The following SNTG2 variants were observed in gnomAD, a reference collection of about 807,000 sequenced individuals.
SNTG2 encodes gamma-2-syntrophin.
A neutral mutation model predicts 70.9 loss-of-function variants in SNTG2; 74 were observed. The ratio of observed to expected loss-of-function variants is 1.04; its 90% CI spans 0.86 to 1.27. SNTG2 has a LOEUF of 1.27. Among genes scored for constraint, SNTG2 ranks in the 50% most tolerant of loss-of-function variants. The pLI is 0.00. For missense variants in SNTG2, 717 were observed against 690.7 expected, an observed-to-expected ratio of 1.04 and a Z score of -0.43; for synonymous variants, 278 against 273.8, an observed-to-expected ratio of 1.02 and a Z score of -0.15.
At chr2:1,113,551 C>T (rs533083400) in intron 4 of SNTG2, among the ~76,000 whole-genome samples, 1 of 151,786 alleles carries the variant, frequency 6.6e-6, no homozygotes, top group African/African-American at 2.4e-5. Flanking sequence ...CCCTTACAGT[C>T]CTTTGAGGAG....
chr2:1,185,255 T>G (rs4356685), intron 8 of SNTG2, among the ~76,000 whole-genome samples: 51,246 of 151,876 alleles, frequency 0.34, 9,072 homozygotes, highest in East Asian at 0.65. Flanking sequence ...CAGCTCCTAT[T>G]ACTGCTCTCA....
At chr2:1,246,576 TA>T (rs2148129714) in intron 11 of SNTG2, among the ~76,000 whole-genome samples, 1 of 152,358 alleles carries the variant, frequency 6.6e-6, no homozygotes, top group South Asian at 2.1e-4. Flanking sequence ...AACTTATTTT[TA>T]TTTTTTTAAG....
chr2:1,320,946 C>G (rs1681493304), intron 16 of SNTG2, among the ~76,000 whole-genome samples: 1 of 152,160 alleles, frequency 6.6e-6, no homozygotes, highest in Non-Finnish European at 1.5e-5. Flanking sequence ...GGCTGAGCCT[C>G]CAAAGGGAAA....
intron 1 of SNTG2, among the ~76,000 whole-genome samples, chr2:1,051,534 T>C (rs113670524): frequency 6.6e-6 from 1 of 152,164 alleles, no homozygotes; most frequent in Non-Finnish European, 1.5e-5. Context: ...CCCATCTGAT[T>C]TGTACTCGGG....
intron 9 of SNTG2, among the ~76,000 whole-genome samples, chr2:1,225,323 C>T (rs1173007554): frequency 6.6e-6 from 1 of 152,156 alleles, no homozygotes; most frequent in South Asian, 2.1e-4. Flanking sequence ...GTTTTAAATG[C>T]AGTTGTTAGT....
intron 4 of SNTG2, among the ~76,000 whole-genome samples, chr2:1,105,454 G>A (rs1558404068): frequency 6.6e-6 from 1 of 152,184 alleles, no homozygotes; most frequent in African/African-American, 2.4e-5. Context: ...TTAGTGAGGT[G>A]TGTGCACCCG....
At chr2:1,039,843 G>A (rs981905097) in intron 1 of SNTG2, among the ~76,000 whole-genome samples, 10 of 152,132 alleles carry the variant, frequency 6.6e-5, no homozygotes, top group Admixed American at 1.3e-4. Flanking sequence ...GCTCTGGAAG[G>A]GTTGTGGGGG....
At chr2:1,225,928 C>A (rs1388215383) in intron 9 of SNTG2, among the ~76,000 whole-genome samples, 1 of 152,052 alleles carries the variant, frequency 6.6e-6, no homozygotes, top group Admixed American at 6.5e-5. Context: ...TTAACACCAG[C>A]CGTGTATTCA....
Position 1,173,088 on chromosome 2 carries a change from G to A in SNTG2, c.500-4G>A, listed in dbSNP as rs893023867. Reference sequence around the variant, plus strand: ...TGGAAGGGACTTCTCTTGTTTTGCTGCAGGGTCCCCAGGGCCATCCAGCGA... The same window carrying A: ...TGGAAGGGACTTCTCTTGTTTTGCTACAGGGTCCCCAGGGCCATCCAGCGA... On this transcript the variant is annotated splice_polypyrimidine_tract_variant and splice_region_variant and intron_variant, in intron 7 of 16. Transcript: ENST00000308624. The A allele has an allele frequency of 3.7e-6, 6 of 1,613,290 alleles. No homozygotes were observed. Among genetic ancestry groups the A allele is most frequent in the Non-Finnish European group, 5.1e-6 (6 of 1,179,606 alleles).
At chr2:1,081,461 A>T (rs1664290967) in intron 1 of SNTG2, among the ~76,000 whole-genome samples, 1 of 152,240 alleles carries the variant, frequency 6.6e-6, no homozygotes, top group Non-Finnish European at 1.5e-5. Context: ...GGAAATACTG[A>T]GGAGGGTCTT....
intron 14 of SNTG2, among the ~76,000 whole-genome samples, chr2:1,298,372 G>A (rs1489725110): frequency 1.3e-5 from 2 of 152,062 alleles, no homozygotes; most frequent in African/African-American, 4.8e-5. Flanking sequence ...GGGCTCAAGC[G>A]ATCCACCCAC....
rs1447149752 is a variant in SNTG2 at position 1,308,548 on chromosome 2, T to A, written c.1339T>A (p.Phe447Ile). The A allele has an allele frequency of 3.9e-6, 6 of 1,551,542 alleles. No individual in the cohort carries two copies. The Admixed American group carries it at 1.2e-4, about 30-fold the overall frequency. Residue 447 changes from phenylalanine (F) to isoleucine (I), a missense_variant, in exon 15 of 17, where the codon TTC becomes ATC. Physicochemically the swap from Phe to Ile is conservative, Grantham distance 21. Transcript: ENST00000308624. The stretch of plus-strand genomic sequence containing the variant: ...AGAGATGCTGTGTTTCACGGTGGAT[T>A]TCGCGTTGGGATTTACCTGTTTTGA... ...QGEMLCFTVD[F>I]ALGFTCFESK...
At position 1,053,311 on chromosome 2, in the gene SNTG2, G is replaced by GT. The variant is rs57329298; in HGVS notation, c.73-30199dup. Among the ~76,000 whole-genome samples the GT allele has an allele frequency of 2.4e-4, 36 of 152,028 alleles. No homozygotes were observed. The Middle Eastern group carries it at 0.01, about 43-fold the overall frequency. ...CTATGATTCTAGAAATGCATTAAAAGTTTTTTTTATTGAAGATGAAAGTTA... is the reference window on the plus strand; with the variant it reads ...CTATGATTCTAGAAATGCATTAAAAGTTTTTTTTTATTGAAGATGAAAGTTA... On this transcript the variant is annotated intron_variant, in intron 1 of 16. Coordinates refer to ENST00000308624, the MANE Select transcript of SNTG2 (RefSeq NM_018968.4).
At chr2:1,173,050 C>T in intron 7 of SNTG2, 42 bp from the exon 8 acceptor site, 1 of 1,567,474 alleles carries the variant, frequency 6.4e-7, no homozygotes, top group East Asian at 2.2e-5. Flanking sequence ...TGTGCTTTGT[C>T]AGTGGCACCA....
intron 14 of SNTG2, among the ~76,000 whole-genome samples, chr2:1,282,544 A>G (rs1679591004): frequency 6.6e-6 from 1 of 152,222 alleles, no homozygotes; most frequent in African/African-American, 2.4e-5. Context: ...CTTTTTAATT[A>G]TAATCCCCAA....
chr2:1,218,064 GTCA>G (rs1219240549), intron 9 of SNTG2, among the ~76,000 whole-genome samples: 1 of 151,846 alleles, frequency 6.6e-6, no homozygotes, highest in Non-Finnish European at 1.5e-5. Flanking sequence ...CCCCACCTTT[GTCA>G]GCCAAGGGCT....
intron 2 of SNTG2, among the ~76,000 whole-genome samples, chr2:1,089,487 T>G (rs751629051): frequency 1.3e-5 from 2 of 152,100 alleles, no homozygotes; most frequent in African/African-American, 4.8e-5. Context: ...ATACAAAAAT[T>G]AGTCGGGTGT....
chr2:1,186,854 G>A (rs1204435397), intron 8 of SNTG2, among the ~76,000 whole-genome samples: 1 of 152,056 alleles, frequency 6.6e-6, no homozygotes, highest in Non-Finnish European at 1.5e-5. Flanking sequence ...ATAAGCAAGA[G>A]ACTCACATGA....
intron 14 of SNTG2, among the ~76,000 whole-genome samples, chr2:1,275,803 T>C (rs1679242872): frequency 6.6e-6 from 1 of 152,222 alleles, no homozygotes; most frequent in Non-Finnish European, 1.5e-5. Context: ...AACCTTCTTG[T>C]GCCAAATAGC....
Sources: gnomAD v4.1 joint callset for allele counts (sites outside exome capture counted in the v4.1 genomes callset) on GRCh38, gnomAD v4.1.1 for gene constraint, MANE v1.5 for transcripts, NCBI Gene and HGNC (gene_info 2026-07-23, HGNC 2026-07-21) for gene names.